Variants in HEMGN observed in about 807,000 individuals in gnomAD.
HEMGN encodes the protein erythroid differentiation-associated gene protein.
HEMGN carries 32 observed loss-of-function variants against 45.7 expected under a neutral mutation model. The observed-to-expected ratio is 0.70, with a 90% confidence interval of 0.53 to 0.94. The LOEUF (loss-of-function observed/expected upper bound fraction) is 0.94, where lower values mean the gene tolerates loss of function less well. Among genes scored for constraint, HEMGN ranks in the 40% least tolerant of loss-of-function variants. HEMGN has a pLI of 0.00. For missense variants in HEMGN, 530 were observed against 564.2 expected (o/e 0.94, Z 0.61); for synonymous variants, 183 against 178.6 (o/e 1.02, Z -0.20).
chr9:97,936,049 C>G (rs1005830314), intron 2 of HEMGN, 122 bp downstream of exon 2: 9 of 704,330 alleles, frequency 1.3e-5, no homozygotes, highest in Admixed American at 9.4e-5. Flanking sequence ...TAGGGATAAC[C>G]ATGTCTGATT....
At chr9:97,938,018 C>A (rs1193414849) in intron 1 of HEMGN, 40 bp downstream of exon 1, 2 of 1,136,308 alleles carry the variant, frequency 1.8e-6, no homozygotes, top group Non-Finnish European at 2.5e-6. Context: ...ACCCCGAATT[C>A]TTCTCAACAG....
At chr9:97,937,485 A>G (rs918294062) in intron 1 of HEMGN, among the ~76,000 whole-genome samples, 3 of 152,234 alleles carry the variant, frequency 2.0e-5, no homozygotes, top group Non-Finnish European at 4.4e-5. Flanking sequence ...ATTTGACTTG[A>G]TACTATTATT....
chr9:97,929,333 AACT>A (rs1347331031), intron 3 of HEMGN, among the ~76,000 whole-genome samples: 1 of 152,198 alleles, frequency 6.6e-6, no homozygotes, highest in Non-Finnish European at 1.5e-5. Flanking sequence ...AGAGCAAGTA[AACT>A]ACTAAAGGGA....
chr9:97,938,836 C>G (rs1827110962), upstream of HEMGN, among the ~76,000 whole-genome samples: 1 of 152,020 alleles, frequency 6.6e-6, no homozygotes, highest in Admixed American at 6.5e-5. Context: ...AATTTTGTAC[C>G]CTTTTTGGCT....
At chr9:97,935,751 T>C (rs1827045939) in intron 2 of HEMGN, among the ~76,000 whole-genome samples, 4 of 152,220 alleles carry the variant, frequency 2.6e-5, no homozygotes, top group Admixed American at 1.3e-4. Flanking sequence ...GCTTATTCCA[T>C]GGAGAGTTAA....
chr9:97,930,158 A>G lies in HEMGN; in HGVS notation c.1237T>C (p.Tyr413His), dbSNP rs1393096851. Residue 413 changes from tyrosine to histidine, a missense_variant, in exon 3 of 4, where the codon TAT becomes CAT. Coordinates refer to ENST00000616898, the MANE Select transcript of HEMGN (RefSeq NM_197978.3). ...PGPEDLSTET[Y>H]KNKDVPKECF... ...TCTTTAGGCACATCCTTATTTTTAT[A>G]TGTCTCAGTAGAGAGGTCTTCAGGC... 2.5e-6 allele frequency: 4 copies of G among 1,613,916 alleles called. No individual in the cohort carries two copies. The highest frequency in any genetic ancestry group is 1.3e-5 in the African/African-American group (1 of 74,874).
chr9:97,938,141 C>T lies in HEMGN; in HGVS notation c.-5G>A, dbSNP rs1827096270. The T allele has an allele frequency of 6.2e-7, 1 of 1,604,504 alleles. No homozygotes were observed. Among genetic ancestry groups the T allele is most frequent in the South Asian group, 1.1e-5 (1 of 90,594 alleles). On this transcript the variant is annotated 5_prime_UTR_variant, in exon 1 of 4. Coordinates refer to ENST00000616898, the MANE Select transcript of HEMGN (RefSeq NM_197978.3). ...TTGGTCCTTTCCCAAATCCATCTTG[C>T]TGCAATACCTTCCTGCTATTTTGGT... is the stretch of plus-strand genomic sequence containing the variant.
chr9:97,934,429 G>A (rs1353617180), intron 2 of HEMGN, among the ~76,000 whole-genome samples: 3 of 116,976 alleles, frequency 2.6e-5, no homozygotes, highest in Non-Finnish European at 5.3e-5. Flanking sequence ...GGGGATGGGG[G>A]AGAGGAGGGG....
At position 97,937,178 on chromosome 9, in the gene HEMGN, A is replaced by G. The variant is rs1244203242; in HGVS notation, c.79+880T>C. On this transcript the variant is annotated intron_variant, in intron 1 of 3. Coordinates refer to ENST00000616898, the MANE Select transcript of HEMGN (RefSeq NM_197978.3). Reference sequence around the variant, plus strand: ...ACAGTTCCTTCAATTATGAATGTAGATAACAAACCACAGTAGTTTTGGCAG... The same window carrying G: ...ACAGTTCCTTCAATTATGAATGTAGGTAACAAACCACAGTAGTTTTGGCAG... 4.6e-5 allele frequency among the ~76,000 whole-genome samples: 7 copies of G among 152,214 alleles called. 1 individual carries two copies. The highest frequency in any genetic ancestry group is 1.7e-4 in the African/African-American group (7 of 41,468).
At chr9:97,944,782 C>T (rs533090779) in exon 1 of HEMGN, 2 of 152,114 alleles carry the variant, frequency 1.3e-5, no homozygotes, top group African/African-American at 2.4e-5. Context: ...CCTGTTTTGC[C>T]GTGAATCTTT....
chr9:97,930,482 CT>C lies in HEMGN; in HGVS notation c.912del (p.Ile304MetfsTer53). 1 of 1,614,030 alleles carries C rather than the reference CT, an allele frequency of 6.2e-7. No homozygotes were observed. The highest frequency in any genetic ancestry group is 8.5e-7 in the Non-Finnish European group (1 of 1,179,956). ...TTTGTAGAAAGGTCTTTAGGCTCAGCTATTTCTTGTATTTTAGGAAAAAGGC... is the reference window on the plus strand; with the variant it reads ...TTTGTAGAAAGGTCTTTAGGCTCAGCATTTCTTGTATTTTAGGAAAAAGGC... ...TEGLFPKIQE[I>X]AEPKDLSTKT... On this transcript the variant is annotated frameshift_variant, in exon 3 of 4. Transcript: ENST00000616898. LOFTEE classifies it high-confidence loss of function.
Position 97,931,226 on chromosome 9 carries a change from A to G in HEMGN, c.174-5T>C. The G allele has an allele frequency of 6.3e-7, 1 of 1,586,352 alleles. No individual in the cohort carries two copies. Among genetic ancestry groups the G allele is most frequent in the Non-Finnish European group, 8.5e-7 (1 of 1,169,874 alleles). On this transcript the variant is annotated splice_polypyrimidine_tract_variant and splice_region_variant and intron_variant, in intron 2 of 3. Transcript: ENST00000616898. The stretch of plus-strand genomic sequence containing the variant: ...TGCTTGCGTTTTTTCTGTTCTCTGC[A>G]GAAAGAACAGAATTAGTGTCAGCAG...
chr9:97,934,796 G>A (rs949850178), intron 2 of HEMGN, among the ~76,000 whole-genome samples: 1 of 152,208 alleles, frequency 6.6e-6, no homozygotes, highest in Non-Finnish European at 1.5e-5. Flanking sequence ...GGTACCAGGA[G>A]AGAGAACTTG....
At chr9:97,944,170 G>C (rs186035301) in intron 1 of HEMGN, among the ~76,000 whole-genome samples, 2 of 152,314 alleles carry the variant, frequency 1.3e-5, no homozygotes, top group Non-Finnish European at 2.9e-5. Flanking sequence ...AAATATGTCT[G>C]AGTTCTAAGA....
intron 2 of HEMGN, among the ~76,000 whole-genome samples, chr9:97,933,370 G>A (rs1036849494): frequency 3.3e-5 from 5 of 152,332 alleles, no homozygotes; most frequent in African/African-American, 1.2e-4. Flanking sequence ...AGTCTATGAA[G>A]TAGGTAGTTA....
Position 97,927,230 on chromosome 9 carries a change from C to A in HEMGN, c.*154G>T, listed in dbSNP as rs980356599. The A allele has an allele frequency of 4.6e-5, 24 of 517,640 alleles. No homozygotes were observed. In the South Asian group the frequency reaches 6.3e-4, roughly 14 times the overall value. The allele number at this position is 517,640 out of a possible 1,614,324, so 32.1% of individuals were successfully genotyped here. A position where few individuals can be genotyped will look rare whatever the true frequency, so the allele number is the denominator to read the frequency against. ...GCATGATATTGTCTATGTGGTAGAGCCTTAAAAAATGTTATTTCTTTCAGA... is the reference window on the plus strand; with the variant it reads ...GCATGATATTGTCTATGTGGTAGAGACTTAAAAAATGTTATTTCTTTCAGA... On this transcript the variant is annotated 3_prime_UTR_variant, in exon 4 of 4. Transcript: ENST00000616898.
intron 3 of HEMGN, 37 bp downstream of exon 3, chr9:97,929,998 G>A (rs745444718): frequency 8.3e-6 from 12 of 1,453,642 alleles, no homozygotes; most frequent in Non-Finnish European, 1.0e-5. Flanking sequence ...TACTCTGGGG[G>A]AGATGTACCT....
At position 97,931,222 on chromosome 9, in the gene HEMGN, C is replaced by T; in HGVS notation, c.174-1G>A. ...CTGCTGCTTGCGTTTTTTCTGTTCT[C>T]TGCAGAAAGAACAGAATTAGTGTCA... On this transcript the variant is annotated splice_acceptor_variant, in intron 2 of 3. Transcript: ENST00000616898. LOFTEE classifies it high-confidence loss of function. The T allele has an allele frequency of 6.3e-7, 1 of 1,591,456 alleles. No individual in the cohort carries two copies. The highest frequency in any genetic ancestry group is 8.5e-7 in the Non-Finnish European group (1 of 1,172,778).
chr9:97,943,691 C>G (rs550810627), intron 1 of HEMGN, among the ~76,000 whole-genome samples: 1 of 152,292 alleles, frequency 6.6e-6, no homozygotes, highest in East Asian at 1.9e-4. Flanking sequence ...GAGCCTCCCC[C>G]TTATCCCTGT....
Sources: allele counts gnomAD v4.1 joint callset (sites outside exome capture counted in the v4.1 genomes callset), GRCh38; gene constraint gnomAD v4.1.1; transcripts MANE v1.5; gene names NCBI Gene and HGNC (gene_info 2026-07-23, HGNC 2026-07-21).